The following SVEP1 variants were observed in gnomAD, a reference collection of about 807,000 sequenced individuals.
SVEP1 encodes the protein sushi, von Willebrand factor type A, EGF and pentraxin domain-containing protein 1.
Under a neutral mutation model 367.3 loss-of-function variants are expected in SVEP1, and 164 were observed. That is an observed-to-expected ratio of 0.45 (90% CI 0.39 to 0.51). The LOEUF is 0.51. Among genes scored for constraint, SVEP1 ranks in the 20% least tolerant of loss-of-function variants. The pLI, the probability that SVEP1 is intolerant of heterozygous loss-of-function variation, is 0.00. For missense variants in SVEP1, 4,117 were observed against 4,425.3 expected (o/e 0.93, Z 1.98); for synonymous variants, 1,666 against 1,611.6 (o/e 1.03, Z -0.81).
intron 32 of SVEP1, 36 bp from the exon 33 acceptor site, chr9:110,430,486 C>A: frequency 6.4e-7 from 1 of 1,572,378 alleles, no homozygotes. Flanking sequence ...TAATAAGTGG[C>A]TTTCACACAA....
chr9:110,505,188 C>T (rs1378421478), intron 5 of SVEP1, among the ~76,000 whole-genome samples: 3 of 152,182 alleles, frequency 2.0e-5, no homozygotes, highest in Non-Finnish European at 4.4e-5. Flanking sequence ...AGCACTCACA[C>T]TGTTCCAGCC....
At chr9:110,535,331 G>A (rs568606317) in intron 3 of SVEP1, among the ~76,000 whole-genome samples, 29 of 152,154 alleles carry the variant, frequency 1.9e-4, no homozygotes, top group African/African-American at 6.7e-4. Flanking sequence ...GGTTGTAGGT[G>A]TGTGACCTTA....
At chr9:110,471,877 TA>T in intron 15 of SVEP1, among the ~76,000 whole-genome samples, 2 of 152,320 alleles carry the variant, frequency 1.3e-5, no homozygotes, top group East Asian at 3.9e-4. Context: ...GGGAGTTCTT[TA>T]TTATAACATA....
intron 46 of SVEP1, among the ~76,000 whole-genome samples, chr9:110,373,244 G>A (rs1827303237): frequency 6.6e-6 from 1 of 152,160 alleles, no homozygotes; most frequent in South Asian, 2.1e-4. Flanking sequence ...TATATAGACT[G>A]CTTTCAGAGT....
At chr9:110,441,537 G>A (rs1431193174) in intron 27 of SVEP1, among the ~76,000 whole-genome samples, 2 of 152,160 alleles carry the variant, frequency 1.3e-5, no homozygotes, top group Non-Finnish European at 2.9e-5. Flanking sequence ...TGCCTTACTG[G>A]CTGGATTGGC....
At chr9:110,391,188 A>T (rs1827649385) in intron 40 of SVEP1, among the ~76,000 whole-genome samples, 1 of 152,062 alleles carries the variant, frequency 6.6e-6, no homozygotes, top group South Asian at 2.1e-4. Flanking sequence ...AATAAGATCC[A>T]TACACTGAGA....
chr9:110,563,648 G>T (rs998981095), intron 1 of SVEP1, among the ~76,000 whole-genome samples: 1 of 152,080 alleles, frequency 6.6e-6, no homozygotes, highest in African/African-American at 2.4e-5. Context: ...ATGTATATAG[G>T]AATATTTTTT....
intron 3 of SVEP1, among the ~76,000 whole-genome samples, chr9:110,544,849 T>G (rs4460449): frequency 1.3e-5 from 2 of 151,932 alleles, no homozygotes; most frequent in Non-Finnish European, 2.9e-5. Context: ...TACAGTGTTA[T>G]GGAACATTAA....
intron 16 of SVEP1, among the ~76,000 whole-genome samples, chr9:110,470,388 T>C (rs978510412): frequency 2.0e-5 from 3 of 152,160 alleles, no homozygotes; most frequent in African/African-American, 7.2e-5. Flanking sequence ...CTAAGACTCG[T>C]GTTGGCTGCC....
At chr9:110,498,311 T>A (rs773221672) in intron 7 of SVEP1, among the ~76,000 whole-genome samples, 1 of 152,248 alleles carries the variant, frequency 6.6e-6, no homozygotes, top group African/African-American at 2.4e-5. Context: ...AATTTTCTTC[T>A]CTTGGTAGAG....
chr9:110,384,114 G>A (rs1286147710), intron 43 of SVEP1, among the ~76,000 whole-genome samples: 2 of 150,358 alleles, frequency 1.3e-5, no homozygotes, highest in Admixed American at 6.6e-5. Context: ...CTGAGTGGCC[G>A]CCAAGAATCT....
intron 3 of SVEP1, among the ~76,000 whole-genome samples, chr9:110,529,349 C>T (rs1829986849): frequency 6.6e-6 from 1 of 151,840 alleles, no homozygotes; most frequent in Admixed American, 6.6e-5. Context: ...TCTTTGGGAT[C>T]TTATTTGGCT....
chr9:110,376,005 A>T (rs898646669), intron 45 of SVEP1, among the ~76,000 whole-genome samples: 1 of 152,068 alleles, frequency 6.6e-6, no homozygotes, highest in African/African-American at 2.4e-5. Flanking sequence ...TGCCTCCCGA[A>T]CCCTGTTCAT....
chr9:110,546,093 T>C (rs1431164174), intron 3 of SVEP1, 22 bp downstream of exon 3: 1 of 1,551,452 alleles, frequency 6.4e-7, no homozygotes, highest in South Asian at 1.2e-5. Context: ...AGACAACTGA[T>C]ATACACAGAT....
chr9:110,566,445 C>G (rs1830495614), intron 1 of SVEP1, among the ~76,000 whole-genome samples: 1 of 152,018 alleles, frequency 6.6e-6, no homozygotes, highest in South Asian at 2.1e-4. Flanking sequence ...TACAGTGGTG[C>G]CTGACAAGTA....
intron 16 of SVEP1, 82 bp downstream of exon 16, chr9:110,471,282 C>T: frequency 1.8e-6 from 2 of 1,130,910 alleles, no homozygotes; most frequent in South Asian, 3.0e-5. Context: ...TTCAATATCC[C>T]TTTATAGTTG....
Position 110,408,591 on chromosome 9 carries a change from C to T in SVEP1, c.7009G>A (p.Glu2337Lys). ...ACAACTCCTACCTCGGTGGTCAACT[C>T]CTTTAATACTAGCTGGTTTTCCAAG... ...PLLENQLVLK[E>K]LTTEVGVVTF... Residue 2337 changes from glutamate (E) to lysine (K), a missense_variant, in exon 38 of 48, where the codon GAG becomes AAG. Coordinates refer to ENST00000374469, the MANE Select transcript of SVEP1 (RefSeq NM_153366.4). The T allele has an allele frequency of 6.8e-6, 11 of 1,613,840 alleles. No individual in the cohort carries two copies. Among genetic ancestry groups the T allele is most frequent in the Non-Finnish European group, 7.6e-6 (9 of 1,179,860 alleles).
chr9:110,548,439 G>GT (rs1411609000), intron 2 of SVEP1, among the ~76,000 whole-genome samples: 1 of 152,046 alleles, frequency 6.6e-6, no homozygotes, highest in Non-Finnish European at 1.5e-5. Context: ...CCCTTTATAT[G>GT]TATTAACCCA....
At chr9:110,388,757 C>T (rs1827566137) in intron 41 of SVEP1, among the ~76,000 whole-genome samples, 1 of 152,052 alleles carries the variant, frequency 6.6e-6, no homozygotes, top group Admixed American at 6.6e-5. Flanking sequence ...TTGCTTGAAG[C>T]CGGGAGTTCG....
Sources: gnomAD v4.1 joint callset for allele counts (sites outside exome capture counted in the v4.1 genomes callset) on GRCh38, gnomAD v4.1.1 for gene constraint, MANE v1.5 for transcripts, NCBI Gene and HGNC (gene_info 2026-07-23, HGNC 2026-07-21) for gene names.